CLVS1: variants seen among roughly 807,000 people sequenced by gnomAD.
CLVS1 encodes the protein clavesin-1.
Under a neutral mutation model 33.1 loss-of-function variants are expected in CLVS1, and 10 were observed. The ratio of observed to expected loss-of-function variants is 0.30; its 90% confidence interval spans 0.19 to 0.51. CLVS1 has a LOEUF of 0.51. Among genes scored for constraint, CLVS1 ranks in the 20% least tolerant of loss-of-function variants. The pLI is 0.97. For missense variants in CLVS1, 343 were observed against 433.4 expected, an observed-to-expected ratio of 0.79 and a Z score of 1.85; for synonymous variants, 163 against 166.1, an observed-to-expected ratio of 0.98 and a Z score of 0.14.
intron 2 of CLVS1, among the ~76,000 whole-genome samples, chr8:61,187,860 A>C (rs1398219184): frequency 7.3e-6 from 1 of 137,220 alleles, no homozygotes; most frequent in East Asian, 1.9e-4. Context: ...TATATGTAAT[A>C]TTTATTTATT....
chr8:61,219,719 G>T (rs1040939429), intron 2 of CLVS1, among the ~76,000 whole-genome samples: 3 of 152,136 alleles, frequency 2.0e-5, no homozygotes, highest in Non-Finnish European at 2.9e-5. Flanking sequence ...TTGAGGAATT[G>T]TCATACTGTC....
At chr8:61,170,198 TGG>T (rs1013201384) in intron 2 of CLVS1, among the ~76,000 whole-genome samples, 3 of 152,156 alleles carry the variant, frequency 2.0e-5, no homozygotes, top group Non-Finnish European at 4.4e-5. Flanking sequence ...TTTCATTTGT[TGG>T]GCATTACACT....
intron 2 of CLVS1, among the ~76,000 whole-genome samples, chr8:61,279,329 T>C (rs936611976): frequency 1.3e-5 from 2 of 152,174 alleles, no homozygotes; most frequent in East Asian, 3.9e-4. Context: ...TCCCAAGTCT[T>C]CATGAAAGAA....
chr8:61,333,636 G>A (rs188145549), intron 2 of CLVS1, among the ~76,000 whole-genome samples: 15 of 152,250 alleles, frequency 9.9e-5, no homozygotes, highest in African/African-American at 2.4e-4. Context: ...AGGAAATGTC[G>A]CAATGGGGAG....
chr8:60,991,570 A>G, the CLVS1 span, among the ~76,000 whole-genome samples: 1 of 152,146 alleles, frequency 6.6e-6, no homozygotes, highest in Non-Finnish European at 1.5e-5. Flanking sequence ...GGACGGCCAC[A>G]GTCTGCTTCT....
chr8:61,298,972 T>C (rs1172895773), intron 1 of CLVS1, among the ~76,000 whole-genome samples: 1 of 152,166 alleles, frequency 6.6e-6, no homozygotes, highest in Non-Finnish European at 1.5e-5. Flanking sequence ...TCTGCTTTCC[T>C]AGTAAAAGAA....
At chr8:61,480,454 T>C (rs532534217) in intron 5 of CLVS1, among the ~76,000 whole-genome samples, 31 of 152,020 alleles carry the variant, frequency 2.0e-4, no homozygotes, top group Non-Finnish European at 3.1e-4. Flanking sequence ...AGGGTGGGAG[T>C]GACCTGATTT....
At chr8:61,152,436 G>C (rs992963634) in intron 2 of CLVS1, among the ~76,000 whole-genome samples, 10 of 152,178 alleles carry the variant, frequency 6.6e-5, no homozygotes, top group African/African-American at 2.4e-4. Context: ...ATTTCTCATA[G>C]TTCTGGAGGC....
In CLVS1 at chr8:61,299,228, A is replaced by G. The variant is rs932231978; in HGVS notation, c.-151-449A>G. Among the ~76,000 whole-genome samples the G allele has an allele frequency of 2.6e-5, 4 of 152,248 alleles. No homozygotes were observed. In the South Asian group the frequency reaches 8.3e-4, roughly 32 times the overall value. ...GTGGGGGAAGGGTTATTTCTGTGAA[A>G]GATACTTCTGTTTGAGAAAAGAGGC... On this transcript the variant is annotated intron_variant, in intron 1 of 5. Coordinates refer to ENST00000325897, the MANE Select transcript of CLVS1 (RefSeq NM_173519.3).
chr8:61,038,437 G>GTATATATATATATA, the CLVS1 span, among the ~76,000 whole-genome samples: 178 of 142,732 alleles, frequency 1.2e-3, 3 homozygotes, highest in African/African-American at 4.5e-3. Flanking sequence ...CCTGTCGTTT[G>GTATATATATATATA]TATATATATA....
chr8:61,001,504 G>A, the CLVS1 span, among the ~76,000 whole-genome samples: 4 of 152,136 alleles, frequency 2.6e-5, no homozygotes, highest in South Asian at 2.1e-4. Context: ...GAGAAGATTC[G>A]CAAACCAAGT....
At chr8:60,998,997 G>A in the CLVS1 span, among the ~76,000 whole-genome samples, 1 of 152,174 alleles carries the variant, frequency 6.6e-6, no homozygotes, top group Non-Finnish European at 1.5e-5. Context: ...AGTGGTTTGA[G>A]AACCCAGGAG....
At chr8:61,063,625 T>C (rs562261910) in intron 1 of CLVS1, among the ~76,000 whole-genome samples, 1 of 152,192 alleles carries the variant, frequency 6.6e-6, no homozygotes, top group South Asian at 2.1e-4. Flanking sequence ...AATGGAGCCA[T>C]TGAAGGGTTT....
chr8:61,433,899 G>A lies in CLVS1; in HGVS notation c.631-20242G>A, dbSNP rs547614606. ...ACTGCACTCCAGCCTAGGTGACAGA[G>A]CAAGACACTGTCTCAAAAAATAAAT... On this transcript the variant is annotated intron_variant, in intron 3 of 5. Transcript: ENST00000325897. Among the ~76,000 whole-genome samples the A allele has an allele frequency of 5.2e-3, 789 of 151,812 alleles. 7 individuals are homozygous for A. The highest frequency in any genetic ancestry group is 0.019 in the African/African-American group (766 of 41,384).
Position 61,059,475 on chromosome 8 carries a change from C to CATATATATATATATATATATATATAT in CLVS1, c.-243+2270_-243+2271insTATATATATATATATATATATATATA, listed in dbSNP as rs56322834. ...ACACACACATATACATACATACATA[C>CATATATATATATATATATATATATAT]ATATATATATATATATATATATATA... On this transcript the variant is annotated intron_variant, in intron 1 of 2. Transcript: ENST00000522621. Among the ~76,000 whole-genome samples, 69 of 50,176 alleles carry CATATATATATATATATATATATATAT rather than the reference C, an allele frequency of 1.4e-3. 9 individuals are homozygous for CATATATATATATATATATATATATAT. The highest frequency in any genetic ancestry group is 2.3e-3 in the Non-Finnish European group (57 of 25,068). 32.9% of individuals were successfully genotyped at this position (50,176 alleles called of 152,430 possible).
At chr8:61,021,381 C>T in the CLVS1 span, among the ~76,000 whole-genome samples, 7,119 of 152,144 alleles carry the variant, frequency 0.047, 237 homozygotes, top group Non-Finnish European at 0.069. Context: ...GATGGAGTCC[C>T]GCCCTGTCGC....
At chr8:61,041,430 T>C in the CLVS1 span, among the ~76,000 whole-genome samples, 1 of 152,238 alleles carries the variant, frequency 6.6e-6, no homozygotes, top group African/African-American at 2.4e-5. Context: ...AGTATGACCA[T>C]TTTAATAATA....
intron 2 of CLVS1, among the ~76,000 whole-genome samples, chr8:61,198,202 T>A (rs1205900039): frequency 6.6e-6 from 1 of 152,208 alleles, no homozygotes; most frequent in Non-Finnish European, 1.5e-5. Flanking sequence ...TTAATGGAAA[T>A]CTAATATACA....
At chr8:61,394,085 G>A (rs2201260) in intron 3 of CLVS1, among the ~76,000 whole-genome samples, 5 of 152,152 alleles carry the variant, frequency 3.3e-5, no homozygotes, top group African/African-American at 4.8e-5. Context: ...GGTGGCTCAC[G>A]CCTCTAATCC....
Sources: gnomAD v4.1 joint callset for allele counts (sites outside exome capture counted in the v4.1 genomes callset) on GRCh38, gnomAD v4.1.1 for gene constraint, MANE v1.5 for transcripts, NCBI Gene and HGNC (gene_info 2026-07-23, HGNC 2026-07-21) for gene names.